ZNF134: variants seen among roughly 807,000 people sequenced by gnomAD.
The protein encoded by ZNF134 is zinc finger protein 134 (clone pHZ-15).
ZNF134 carries 5 observed loss-of-function variants against 2.5 expected under a neutral mutation model. The ratio of observed to expected loss-of-function variants is 2.03; its 90% CI spans 1.06 to 4.27. ZNF134 has a LOEUF of 4.27. Among genes scored for constraint, ZNF134 ranks in the 30% most tolerant of loss-of-function variants. The pLI is 0.00. For missense variants in ZNF134, 540 were observed against 517.5 expected, an observed-to-expected ratio of 1.04 and a Z score of -0.42; for synonymous variants, 176 against 176.2, an observed-to-expected ratio of 1.00 and a Z score of 0.01.
chr19:57,621,843 C>A lies in ZNF134; in HGVS notation c.*440C>A. 1 of 300,600 alleles carries A rather than the reference C, an allele frequency of 3.3e-6. No homozygotes were observed. The highest frequency in any genetic ancestry group is 6.6e-6 in the Non-Finnish European group (1 of 152,624). 18.6% of individuals were successfully genotyped at this position (300,600 alleles called of 1,614,324 possible). On this transcript the variant is annotated 3_prime_UTR_variant, in exon 3 of 3. Transcript: ENST00000396161. The stretch of plus-strand genomic sequence containing the variant: ...CATACTTGTAATCAAGTTTTTCCAG[C>A]CTCCAAGTCACCTGGCCTGGGAAAG...
chr19:57,614,807 C>T (rs1981006551), intron 1 of ZNF134, among the ~76,000 whole-genome samples: 1 of 151,894 alleles, frequency 6.6e-6, no homozygotes, highest in South Asian at 2.1e-4. Flanking sequence ...GGAAGGGATC[C>T]GAAAAAGGAT....
At chr19:57,619,769 G>T in intron 2 of ZNF134, 1 of 563,776 alleles carries the variant, frequency 1.8e-6, no homozygotes, top group East Asian at 2.9e-5. Context: ...TTACACTATT[G>T]TGTCATAAGA....
Position 57,620,773 on chromosome 19 carries a change from A to G in ZNF134, c.654A>G (p.Thr218=), listed in dbSNP as rs531665843. The G allele has an allele frequency of 1.9e-6, 3 of 1,613,820 alleles. No individual in the cohort carries two copies. Among genetic ancestry groups the G allele is most frequent in the African/African-American group, 1.3e-5 (1 of 75,032 alleles). The change falls in exon 3 of 3, where the codon ACA becomes ACG. Residue 218 remains threonine (T), a synonymous_variant. Transcript: ENST00000396161. ...GGAAAGCCTTCAGCCGCAAAGCTAC[A>G]CTTGTCCAGCATCAGAGAATCCATA... ...ECGKAFSRKA[T]LVQHQRIHTG... is the part of the protein sequence containing the mutation.
intron 1 of ZNF134, among the ~76,000 whole-genome samples, chr19:57,615,659 C>T (rs1981031970): frequency 6.6e-6 from 1 of 152,154 alleles, no homozygotes; most frequent in African/African-American, 2.4e-5. Context: ...TGTGTCACTC[C>T]CCCATGGGCT....
rs937254876 is a variant in ZNF134, at chr19:57,623,113, G to A, written c.*1710G>A. On this transcript the variant is annotated 3_prime_UTR_variant, in exon 3 of 3. Coordinates refer to ENST00000396161, the MANE Select transcript of ZNF134 (RefSeq NM_003435.5). The stretch of plus-strand genomic sequence containing the variant: ...CCCCCAGAATCCCTAGGCAACCACT[G>A]AGTAGTTTTCACTGTAGGTAAATTT... The A allele has an allele frequency of 1.3e-5, 2 of 152,036 alleles. No homozygotes were observed. Among genetic ancestry groups the A allele is most frequent in the African/African-American group, 4.8e-5 (2 of 41,392 alleles). 9.4% of individuals were successfully genotyped at this position (152,036 alleles called of 1,614,324 possible). A position where few individuals can be genotyped will look rare whatever the true frequency, so the allele number is the denominator to read the frequency against.
In ZNF134 at chr19:57,624,107, T is replaced by G. The variant is rs528982617; in HGVS notation, c.*2704T>G. ...GGGCAGAGTCCTGAACCATGTGATA[T>G]TCCCATGTCTTGACTCCCAGTGGCA... On this transcript the variant is annotated 3_prime_UTR_variant, in exon 3 of 3. Transcript: ENST00000396161. 7 of 152,360 alleles carry G rather than the reference T, an allele frequency of 4.6e-5. No individual in the cohort carries two copies. Among genetic ancestry groups the G allele is most frequent in the Admixed American group, 4.6e-4 (7 of 15,300 alleles). The allele number at this position is 152,360 out of a possible 1,614,324, so 9.4% of individuals were successfully genotyped here. A position where few individuals can be genotyped will look rare whatever the true frequency, so the allele number is the denominator to read the frequency against.
Position 57,620,661 on chromosome 19 carries a change from G to A in ZNF134, c.542G>A (p.Cys181Tyr). The change falls in exon 3 of 3, where the codon TGT (cysteine) becomes TAT (tyrosine). Residue 181 changes from cysteine to tyrosine, a missense_variant. By Grantham distance (194) the Cys-to-Tyr change is radical. Transcript: ENST00000396161. ...GEQMHYKCSE[C>Y]GKAFSRKDTL... is the part of the protein sequence containing the mutation. Reference sequence around the variant, plus strand: ...CAAATGCATTACAAGTGCAGTGAATGTGGGAAAGCTTTCAGCCGCAAAGAC... The same window carrying A: ...CAAATGCATTACAAGTGCAGTGAATATGGGAAAGCTTTCAGCCGCAAAGAC... The A allele has an allele frequency of 6.2e-7, 1 of 1,614,202 alleles. No individual in the cohort carries two copies. The highest frequency in any genetic ancestry group is 8.5e-7 in the Non-Finnish European group (1 of 1,180,032).
rs368407520 is a variant in ZNF134 at position 57,621,284 on chromosome 19, C to T, written c.1165C>T (p.Arg389Ter). The change falls in exon 3 of 3, where the codon CGA (arginine) becomes TGA (stop). Residue 389 changes from arginine (R) to a stop codon, truncating the protein, a stop_gained. Transcript: ENST00000396161. LOFTEE classifies it low-confidence loss of function (END_TRUNC). Reference protein sequence around the residue: ...KDFIRTSHLVRHQRVHTGERP... With the variant: ...KDFIRTSHLV ...CTTTATCAGAACCTCCCACCTTGTT[C>T]GACACCAAAGAGTTCACACTGGAGA... is the stretch of plus-strand genomic sequence containing the variant. 2.2e-5 allele frequency: 35 copies of T among 1,613,802 alleles called. No homozygotes were observed. Among genetic ancestry groups the T allele is most frequent in the Admixed American group, 3.3e-5 (2 of 59,978 alleles).
In ZNF134 at chr19:57,621,531, G is replaced by C. The variant is rs370943653; in HGVS notation, c.*128G>C. On this transcript the variant is annotated 3_prime_UTR_variant, in exon 3 of 3. Coordinates refer to ENST00000396161, the MANE Select transcript of ZNF134 (RefSeq NM_003435.5). Reference sequence around the variant, plus strand: ...CTTCTAGGGATATGTTGCACTTTCTGACTTGCTCAGGTTTTTTGCCAGAGT... The same window carrying C: ...CTTCTAGGGATATGTTGCACTTTCTCACTTGCTCAGGTTTTTTGCCAGAGT... The C allele has an allele frequency of 5.7e-5, 83 of 1,460,684 alleles. No homozygotes were observed. In the African/African-American group the frequency reaches 1.0e-3, roughly 18 times the overall value. The allele number at this position is 1,460,684 out of a possible 1,614,324, so 90.5% of individuals were successfully genotyped here. A position where few individuals can be genotyped will look rare whatever the true frequency, so the allele number is the denominator to read the frequency against.
In ZNF134 at chr19:57,620,668, A is replaced by G. The variant is rs753322705; in HGVS notation, c.549A>G (p.Lys183=). 6 of 1,614,068 alleles carry G rather than the reference A, an allele frequency of 3.7e-6. No individual in the cohort carries two copies. Among genetic ancestry groups the G allele is most frequent in the Non-Finnish European group, 5.1e-6 (6 of 1,180,032 alleles). ...ATTACAAGTGCAGTGAATGTGGGAA[A>G]GCTTTCAGCCGCAAAGACACACTTG... ...QMHYKCSECG[K]AFSRKDTLVQ... The change falls in exon 3 of 3, where the codon AAA becomes AAG. Residue 183 remains lysine, a synonymous_variant. Transcript: ENST00000396161.
rs578251599 is a variant in ZNF134 at position 57,624,613 on chromosome 19, T to C, written c.*3210T>C. 6.6e-6 allele frequency: 1 copy of C among 152,290 alleles called. No individual in the cohort carries two copies. Among genetic ancestry groups the C allele is most frequent in the South Asian group, 2.1e-4 (1 of 4,828 alleles). 9.4% of individuals were successfully genotyped at this position (152,290 alleles called of 1,614,324 possible). A position where few individuals can be genotyped will look rare whatever the true frequency, so the allele number is the denominator to read the frequency against. On this transcript the variant is annotated 3_prime_UTR_variant, in exon 3 of 3. Transcript: ENST00000396161. ...ATTACCCCTATTAAAGGAACACCCA[T>C]ACAATTAGAAACCCAAACTTTGTTT...
intron 1 of ZNF134, 26 bp downstream of exon 1, chr19:57,614,529 C>G: frequency 2.9e-6 from 1 of 347,382 alleles, no homozygotes; most frequent in Non-Finnish European, 5.7e-6. Context: ...CCCAGACTTT[C>G]GCCCGCCCCA....
At position 57,619,363 on chromosome 19, in the gene ZNF134, T is replaced by G; in HGVS notation, c.-57-49T>G. On this transcript the variant is annotated intron_variant, in intron 1 of 2. Coordinates refer to ENST00000396161, the MANE Select transcript of ZNF134 (RefSeq NM_003435.5). ...TTTTGCATGGGTGGGCTACTCTGGC[T>G]AGTGCTCTCAGCCTGTTTCACCTTT... The G allele has an allele frequency of 2.1e-6, 3 of 1,421,772 alleles. No individual in the cohort carries two copies. The African/African-American group carries it at 4.2e-5, about 20-fold the overall frequency. 88.1% of individuals were successfully genotyped at this position (1,421,772 alleles called of 1,614,324 possible). A position where few individuals can be genotyped will look rare whatever the true frequency, so the allele number is the denominator to read the frequency against.
At position 57,621,373 on chromosome 19, in the gene ZNF134, C is replaced by T. The variant is rs1394769571; in HGVS notation, c.1254C>T (p.His418=). ...AYSLSSHLNR[H]QKVHTAGRL The stretch of plus-strand genomic sequence containing the variant: ...GCTTAAGCTCCCACCTCAATCGGCA[C>T]CAGAAAGTTCACACTGCAGGCAGGC... Residue 418 remains histidine (H), a synonymous_variant, in exon 3 of 3, where the codon CAC becomes CAT. Transcript: ENST00000396161. 1.2e-6 allele frequency: 2 copies of T among 1,613,884 alleles called. No homozygotes were observed. Among genetic ancestry groups the T allele is most frequent in the Admixed American group, 1.7e-5 (1 of 60,010 alleles).
At position 57,620,794 on chromosome 19, in the gene ZNF134, C is replaced by T; in HGVS notation, c.675C>T (p.Ile225=). The T allele has an allele frequency of 6.2e-7, 1 of 1,614,076 alleles. No homozygotes were observed. Among genetic ancestry groups the T allele is most frequent in the Non-Finnish European group, 8.5e-7 (1 of 1,180,012 alleles). Residue 225 remains isoleucine, a synonymous_variant, in exon 3 of 3, where the codon ATC becomes ATT. Coordinates refer to ENST00000396161, the MANE Select transcript of ZNF134 (RefSeq NM_003435.5). ...CTACACTTGTCCAGCATCAGAGAAT[C>T]CATACTGGAGAAAGGCCTTATGAAT... The part of the protein sequence containing the change: ...RKATLVQHQR[I]HTGERPYECS...
At chr19:57,617,313 A>G (rs1186646311) in intron 1 of ZNF134, among the ~76,000 whole-genome samples, 2 of 152,238 alleles carry the variant, frequency 1.3e-5, no homozygotes, top group African/African-American at 2.4e-5. Context: ...GCTTAATGCA[A>G]CAGTTCAGGT....
chr19:57,619,353 C>T, intron 1 of ZNF134, 59 bp from the exon 2 acceptor site: 1 of 1,319,954 alleles, frequency 7.6e-7, no homozygotes. Context: ...CATGGGTGGG[C>T]TACTCTGGCT....
rs1256897317 is a variant in ZNF134 at position 57,614,275 on chromosome 19, C to A, written c.-286C>A. On this transcript the variant is annotated 5_prime_UTR_variant, in exon 1 of 3. Transcript: ENST00000396161. Reference sequence around the variant, plus strand: ...CATCTTGTCGGCTCTTAGGTGGAACCATCGGAGCAGAAGCTCGGGGTTGCT... The same window carrying A: ...CATCTTGTCGGCTCTTAGGTGGAACAATCGGAGCAGAAGCTCGGGGTTGCT... The A allele has an allele frequency of 2.2e-6, 1 of 448,162 alleles. No homozygotes were observed. The allele number at this position is 448,162 out of a possible 1,614,324, so 27.8% of individuals were successfully genotyped here. A position where few individuals can be genotyped will look rare whatever the true frequency, so the allele number is the denominator to read the frequency against.
At chr19:57,618,004 T>A (rs2122125506) in intron 1 of ZNF134, among the ~76,000 whole-genome samples, 1 of 152,212 alleles carries the variant, frequency 6.6e-6, no homozygotes, top group African/African-American at 2.4e-5. Flanking sequence ...ACCTGTGGAG[T>A]TTCAGTCAAG....
Sources: allele counts gnomAD v4.1 joint callset (sites outside exome capture counted in the v4.1 genomes callset), GRCh38; gene constraint gnomAD v4.1.1; transcripts MANE v1.5; gene names NCBI Gene and HGNC (gene_info 2026-07-23, HGNC 2026-07-21).